Variants in TMOD3 observed in about 807,000 individuals in gnomAD.
TMOD3 encodes the protein tropomodulin-3.
TMOD3 carries 20 observed loss-of-function variants against 39.2 expected under a neutral mutation model. The ratio of observed to expected loss-of-function variants is 0.51; its 90% CI spans 0.36 to 0.74. TMOD3 has a LOEUF of 0.74. Among genes scored for constraint, TMOD3 ranks in the 30% least tolerant of loss-of-function variants. The probability of loss-of-function intolerance (pLI) is 0.00; values close to 1 mark genes in which losing one functional copy is unlikely to be tolerated. For synonymous variants in TMOD3, 143 were observed against 145.8 expected (o/e 0.98, Z 0.14); for missense variants, 381 against 412.8 (o/e 0.92, Z 0.67).
chr15:51,860,148 C>T (rs2056409872), intron 1 of TMOD3: 1 of 471,912 alleles, frequency 2.1e-6, no homozygotes, highest in Non-Finnish European at 4.2e-6. Flanking sequence ...CTCTAATTGT[C>T]ACCTTGCCGC....
chr15:51,852,021 T>A (rs1567263600), intron 1 of TMOD3, among the ~76,000 whole-genome samples: 1 of 152,246 alleles, frequency 6.6e-6, no homozygotes, highest in Non-Finnish European at 1.5e-5. Flanking sequence ...GTTTTCTTCC[T>A]TATAGTACTT....
At chr15:51,844,184 A>T (rs1313660151) in intron 1 of TMOD3, among the ~76,000 whole-genome samples, 1 of 152,200 alleles carries the variant, frequency 6.6e-6, no homozygotes. Flanking sequence ...TTGTATTCTC[A>T]GCTAACTAGT....
chr15:51,850,703 G>A (rs79995578), intron 1 of TMOD3, among the ~76,000 whole-genome samples: 4,737 of 152,178 alleles, frequency 0.031, 116 homozygotes, highest in Non-Finnish European at 0.05. Context: ...CCACCCTGGT[G>A]CTGGTGAGGA....
At chr15:51,867,488 G>C (rs1014676788) in intron 2 of TMOD3, among the ~76,000 whole-genome samples, 2 of 152,028 alleles carry the variant, frequency 1.3e-5, no homozygotes, top group Admixed American at 1.3e-4. Context: ...TGTGTAGTAG[G>C]TACCATTACA....
intron 1 of TMOD3, among the ~76,000 whole-genome samples, chr15:51,843,045 AC>A (rs1286957266): frequency 6.6e-6 from 1 of 152,172 alleles, no homozygotes; most frequent in East Asian, 1.9e-4. Flanking sequence ...CAGCTGGGGC[AC>A]CGTACTCATG....
chr15:51,907,111 G>A (rs2056685802), intron 9 of TMOD3: 1 of 151,552 alleles, frequency 6.6e-6, no homozygotes, highest in South Asian at 2.1e-4. Context: ...GATATTTGAG[G>A]GCTCAAGTCT....
At chr15:51,898,172 G>T (rs2056631072) in intron 7 of TMOD3, among the ~76,000 whole-genome samples, 1 of 152,102 alleles carries the variant, frequency 6.6e-6, no homozygotes, top group Non-Finnish European at 1.5e-5. Flanking sequence ...TCATTTACTT[G>T]CCCTTTCTTT....
chr15:51,859,245 T>A, intron 1 of TMOD3: 1 of 742,682 alleles, frequency 1.3e-6, no homozygotes, highest in Non-Finnish European at 2.5e-6. Context: ...TGACTCTCCC[T>A]GCAACATTTT....
At chr15:51,892,542 T>A (rs2056598964) in intron 5 of TMOD3, 1 of 152,152 alleles carries the variant, frequency 6.6e-6, no homozygotes, top group African/African-American at 2.4e-5. Flanking sequence ...TCTGTCTCAG[T>A]AGCTCTTCTG....
At chr15:51,859,973 C>T (rs1194243031) in intron 1 of TMOD3, 7 of 545,758 alleles carry the variant, frequency 1.3e-5, no homozygotes, top group Non-Finnish European at 2.2e-5. Context: ...CTTAGTAAAT[C>T]TTTCCAAGCA....
chr15:51,859,344 G>C, intron 1 of TMOD3: 1 of 710,132 alleles, frequency 1.4e-6, no homozygotes, highest in East Asian at 2.9e-5. Context: ...CCAAAGATCA[G>C]AATCTACAGA....
At chr15:51,847,804 A>C (rs1158804234) in intron 1 of TMOD3, among the ~76,000 whole-genome samples, 1 of 151,410 alleles carries the variant, frequency 6.6e-6, no homozygotes, top group Non-Finnish European at 1.5e-5. Flanking sequence ...TAAAATGGGC[A>C]TTTTTTAGAA....
chr15:51,868,931 C>T (rs1431889023), intron 2 of TMOD3, among the ~76,000 whole-genome samples: 2 of 152,168 alleles, frequency 1.3e-5, no homozygotes, highest in Non-Finnish European at 2.9e-5. Context: ...GAGATCATGC[C>T]ACTGCACTCC....
intron 3 of TMOD3, among the ~76,000 whole-genome samples, chr15:51,882,971 A>G (rs931409507): frequency 6.6e-6 from 1 of 152,210 alleles, no homozygotes; most frequent in African/African-American, 2.4e-5. Flanking sequence ...CCACTTTTCT[A>G]TAACTAAGCT....
At chr15:51,866,193 A>C (rs1364301225) in intron 2 of TMOD3, among the ~76,000 whole-genome samples, 1 of 152,106 alleles carries the variant, frequency 6.6e-6, no homozygotes, top group Non-Finnish European at 1.5e-5. Flanking sequence ...AGTGGCTCAC[A>C]CCTGTAATCC....
chr15:51,860,929 C>G, intron 1 of TMOD3: 2 of 451,892 alleles, frequency 4.4e-6, no homozygotes, highest in South Asian at 1.7e-5. Flanking sequence ...GAGCAAGACT[C>G]CATCTCAAAA....
chr15:51,895,871 G>C (rs762391853), intron 6 of TMOD3, among the ~76,000 whole-genome samples: 1 of 152,302 alleles, frequency 6.6e-6, no homozygotes, highest in African/African-American at 2.4e-5. Context: ...CACTTTGGGA[G>C]GCCGAGGAGG....
chr15:51,892,123 T>C (rs920515149), intron 5 of TMOD3, among the ~76,000 whole-genome samples: 1 of 152,190 alleles, frequency 6.6e-6, no homozygotes, highest in Non-Finnish European at 1.5e-5. Flanking sequence ...ATGGAATTTA[T>C]TGGATAATCA....
At chr15:51,882,152 C>T (rs2056538229) in intron 3 of TMOD3, among the ~76,000 whole-genome samples, 1 of 152,028 alleles carries the variant, frequency 6.6e-6, no homozygotes, top group African/African-American at 2.4e-5. Context: ...GCCTCCGCCT[C>T]CCAACGTGCT....
Sources: gnomAD v4.1 joint callset for allele counts (sites outside exome capture counted in the v4.1 genomes callset) on GRCh38, gnomAD v4.1.1 for gene constraint, MANE v1.5 for transcripts, NCBI Gene and HGNC (gene_info 2026-07-23, HGNC 2026-07-21) for gene names.